Variants in AKAP6 observed in about 807,000 individuals in gnomAD.
The protein encoded by AKAP6 is A-kinase anchor protein 6.
In AKAP6, 58 loss-of-function variants were observed where a neutral mutation model predicts 188.5. The ratio of observed to expected loss-of-function variants is 0.31; its 90% CI spans 0.25 to 0.38. The LOEUF is 0.38. Ranked by LOEUF, AKAP6 falls within the 10% of genes least tolerant of loss-of-function variation. The pLI is 1.00. For synonymous variants in AKAP6, 989 were observed against 998.6 expected (o/e 0.99, Z 0.18); for missense variants, 2,710 against 2,740.0 (o/e 0.99, Z 0.24).
At chr14:32,458,964 C>A (rs1036080775) in intron 2 of AKAP6, among the ~76,000 whole-genome samples, 2 of 151,898 alleles carry the variant, frequency 1.3e-5, no homozygotes, top group Non-Finnish European at 2.9e-5. Context: ...TCGTAATAGC[C>A]CCAAACTAGA....
rs544997334 is a variant in AKAP6 at position 32,769,037 on chromosome 14, A to ATTTTTTTTTTTTTTTTTTTT, written c.3373-4633_3373-4614dup. Among the ~76,000 whole-genome samples, 103 of 56,922 alleles carry ATTTTTTTTTTTTTTTTTTTT rather than the reference A, an allele frequency of 1.8e-3. 32 individuals are homozygous for ATTTTTTTTTTTTTTTTTTTT. The highest frequency in any genetic ancestry group is 3.2e-3 in the East Asian group (4 of 1,262). The allele number at this position is 56,922 out of a possible 152,430, so 37.3% of individuals were successfully genotyped here. ...ACTAGGGGATGCAGCTGCTCTTTTG[A>ATTTTTTTTTTTTTTTTTTTT]TTTTTTTTTTTTTTTTTTTTTTTTT... On this transcript the variant is annotated intron_variant, in intron 11 of 13. Coordinates refer to ENST00000280979, the MANE Select transcript of AKAP6 (RefSeq NM_004274.5).
At position 32,732,455 on chromosome 14, in the gene AKAP6, G is replaced by A. The variant is rs541213739; in HGVS notation, c.3002G>A (p.Arg1001Gln). 40 of 1,611,284 alleles carry A rather than the reference G, an allele frequency of 2.5e-5. No individual in the cohort carries two copies. Among genetic ancestry groups the A allele is most frequent in the South Asian group, 7.7e-5 (7 of 90,620 alleles). Reference protein sequence around the residue: ...SEEQQQHLYKRYSVEMSIRHL... With the variant: ...SEEQQQHLYKQYSVEMSIRHL... Reference sequence around the variant, plus strand: ...TCTCTTTTTCTCTTTTCATTTTAGCGATACAGTGTGGAAATGTCCATCAGA... The same window carrying A: ...TCTCTTTTTCTCTTTTCATTTTAGCAATACAGTGTGGAAATGTCCATCAGA... Residue 1001 changes from arginine (R) to glutamine (Q), a missense_variant and splice_region_variant, in exon 10 of 14, where the codon CGA (arginine) becomes CAA (glutamine). This residue lies in a region of AKAP6 where 2,473 missense variants were observed against 2,426.1 expected (regional missense o/e 1.02). Coordinates refer to ENST00000280979, the MANE Select transcript of AKAP6 (RefSeq NM_004274.5).
At chr14:32,717,584 T>C (rs757029402) in intron 9 of AKAP6, among the ~76,000 whole-genome samples, 34 of 150,396 alleles carry the variant, frequency 2.3e-4, no homozygotes, top group Non-Finnish European at 4.0e-4. Context: ...TCCTCCTCTT[T>C]ACTTTTATCA....
chr14:32,459,559 A>C (rs540251829), intron 2 of AKAP6, among the ~76,000 whole-genome samples: 6 of 152,138 alleles, frequency 3.9e-5, no homozygotes, highest in African/African-American at 1.4e-4. Context: ...TAAATGATTT[A>C]AAATTTCTTA....
chr14:32,519,382 T>G (rs1266836034), intron 2 of AKAP6, among the ~76,000 whole-genome samples: 4 of 152,158 alleles, frequency 2.6e-5, no homozygotes, highest in Non-Finnish European at 5.9e-5. Flanking sequence ...ATGCTCCAAT[T>G]AAAAGACACA....
intron 12 of AKAP6, among the ~76,000 whole-genome samples, chr14:32,808,890 A>C (rs1429607784): frequency 1.3e-5 from 2 of 152,170 alleles, no homozygotes; most frequent in African/African-American, 4.8e-5. Flanking sequence ...TTCTTTTGGC[A>C]CTGCACAGAA....
intron 7 of AKAP6, among the ~76,000 whole-genome samples, chr14:32,677,286 A>G (rs1224854332): frequency 6.6e-6 from 1 of 152,242 alleles, no homozygotes; most frequent in Non-Finnish European, 1.5e-5. Context: ...TACTAAGAGT[A>G]GAAGGTCACA....
chr14:32,623,616 C>T (rs1236126247), intron 7 of AKAP6, among the ~76,000 whole-genome samples: 2 of 152,086 alleles, frequency 1.3e-5, no homozygotes, highest in Non-Finnish European at 2.9e-5. Flanking sequence ...ACACTTGCTG[C>T]TTAAAAACCA....
intron 5 of AKAP6, among the ~76,000 whole-genome samples, chr14:32,585,997 T>G (rs1885225133): frequency 2.0e-5 from 3 of 152,166 alleles, no homozygotes; most frequent in Admixed American, 2.0e-4. Flanking sequence ...AGGTCCGGGT[T>G]TGTTTTAAAA....
rs988227107 is a variant in AKAP6, at chr14:32,376,791, G to C, written c.-35+47383G>C. 3.9e-5 allele frequency among the ~76,000 whole-genome samples: 6 copies of C among 152,250 alleles called. No individual in the cohort carries two copies. In the South Asian group the frequency reaches 1.2e-3, roughly 32 times the overall value. ...GGCTCACTACAACTTCCGCCTCCTG[G>C]ATTCAAGTGATTCTCCTGCCTCAGC... On this transcript the variant is annotated intron_variant, in intron 1 of 13. Coordinates refer to ENST00000280979, the MANE Select transcript of AKAP6 (RefSeq NM_004274.5).
chr14:32,595,502 C>T (rs1256758765), intron 5 of AKAP6, among the ~76,000 whole-genome samples: 1 of 152,042 alleles, frequency 6.6e-6, no homozygotes, highest in Non-Finnish European at 1.5e-5. Flanking sequence ...AAACTTCCAT[C>T]TTGTTTGTAT....
At chr14:32,541,749 A>G (rs989029808) in intron 3 of AKAP6, among the ~76,000 whole-genome samples, 1 of 152,236 alleles carries the variant, frequency 6.6e-6, no homozygotes, top group Admixed American at 6.5e-5. Flanking sequence ...AGTAATGAAC[A>G]ATGAAAAGAT....
intron 2 of AKAP6, among the ~76,000 whole-genome samples, chr14:32,468,662 T>C (rs931824181): frequency 6.6e-6 from 1 of 152,184 alleles, no homozygotes; most frequent in Non-Finnish European, 1.5e-5. Flanking sequence ...GTTTTTGTTA[T>C]GTTTTATTGT....
intron 2 of AKAP6, among the ~76,000 whole-genome samples, chr14:32,436,626 C>G (rs1890387008): frequency 6.6e-6 from 1 of 152,160 alleles, no homozygotes; most frequent in Admixed American, 6.6e-5. Context: ...ATTCTCCACC[C>G]AGTAGCCAAT....
At chr14:32,400,077 G>T (rs1302800496) in intron 1 of AKAP6, among the ~76,000 whole-genome samples, 1 of 151,994 alleles carries the variant, frequency 6.6e-6, no homozygotes, top group African/African-American at 2.4e-5. Flanking sequence ...TATCTGCTTG[G>T]GGTTTACCTG....
chr14:32,354,793 A>G (rs1887423348), intron 1 of AKAP6, among the ~76,000 whole-genome samples: 1 of 152,194 alleles, frequency 6.6e-6, no homozygotes, highest in Non-Finnish European at 1.5e-5. Context: ...CTGCTGTCAT[A>G]AGGTTGCCAG....
intron 1 of AKAP6, among the ~76,000 whole-genome samples, chr14:32,406,252 T>C (rs28452279): frequency 0.12 from 18,343 of 152,214 alleles, 1,633 homozygotes; most frequent in African/African-American, 0.23. Flanking sequence ...GTTGCCCAGG[T>C]GGGAGGGAGT....
Position 32,447,893 on chromosome 14 carries a change from G to A in AKAP6, c.324+14076G>A, listed in dbSNP as rs115787917. On this transcript the variant is annotated intron_variant, in intron 2 of 13. Coordinates refer to ENST00000280979, the MANE Select transcript of AKAP6 (RefSeq NM_004274.5). ...TTTCAAAGGTTAAAACAAGTACACCGACATATTTAAATCAGTTACAAATCT... is the reference window on the plus strand; with the variant it reads ...TTTCAAAGGTTAAAACAAGTACACCAACATATTTAAATCAGTTACAAATCT... Among the ~76,000 whole-genome samples, 290 of 152,248 alleles carry A rather than the reference G, an allele frequency of 1.9e-3. 1 individual carries two copies. The highest frequency in any genetic ancestry group is 6.6e-3 in the African/African-American group (273 of 41,548).
chr14:32,603,292 G>A (rs1052222991), intron 7 of AKAP6, among the ~76,000 whole-genome samples: 1 of 152,082 alleles, frequency 6.6e-6, no homozygotes, highest in Non-Finnish European at 1.5e-5. Context: ...GGGCTAGGGT[G>A]GGAGTATGCC....
Sources: gnomAD v4.1 joint callset for allele counts (sites outside exome capture counted in the v4.1 genomes callset) on GRCh38, gnomAD v4.1.1 for gene constraint, gnomAD v4.1.1 regional missense constraint, MANE v1.5 for transcripts, NCBI Gene and HGNC (gene_info 2026-07-23, HGNC 2026-07-21) for gene names.